Variants in ATP9B observed in about 807,000 individuals in gnomAD.
ATP9B encodes probable phospholipid-transporting ATPase IIB.
In ATP9B, 110 loss-of-function variants were observed where a neutral mutation model predicts 146.1. That is an observed-to-expected ratio of 0.75 (90% CI 0.65 to 0.88). The LOEUF is 0.88. Ranked by LOEUF, ATP9B falls within the 40% of genes least tolerant of loss-of-function variation. ATP9B has a pLI of 0.00. For synonymous variants in ATP9B, 604 were observed against 569.7 expected, an observed-to-expected ratio of 1.06 and a Z score of -0.86; for missense variants, 1,499 against 1,496.4, an observed-to-expected ratio of 1.00 and a Z score of -0.03.
At chr18:79,241,451 T>G (rs191152600) in intron 11 of ATP9B, among the ~76,000 whole-genome samples, 2 of 152,330 alleles carry the variant, frequency 1.3e-5, no homozygotes, top group African/African-American at 4.8e-5. Context: ...TCTTGAGAGA[T>G]GTCGTTCTTT....
At chr18:79,197,971 G>GGCA (rs1467505243) in intron 9 of ATP9B, among the ~76,000 whole-genome samples, 1 of 152,080 alleles carries the variant, frequency 6.6e-6, no homozygotes. Context: ...ACATTAGGAA[G>GGCA]GCACTTCAGC....
intron 15 of ATP9B, among the ~76,000 whole-genome samples, chr18:79,319,286 C>T (rs968580122): frequency 2.0e-5 from 3 of 152,146 alleles, no homozygotes; most frequent in Admixed American, 2.0e-4. Flanking sequence ...AGAAGTGCTT[C>T]AATAAGAAAA....
chr18:79,110,696 A>G (rs1407755225), intron 3 of ATP9B, among the ~76,000 whole-genome samples, 191 bp downstream of exon 3: 3 of 152,202 alleles, frequency 2.0e-5, no homozygotes, highest in Non-Finnish European at 2.9e-5. Flanking sequence ...TTTAATGGCT[A>G]CATCATAGAG....
At chr18:79,199,980 T>G (rs745340152) in intron 9 of ATP9B, among the ~76,000 whole-genome samples, 1 of 152,188 alleles carries the variant, frequency 6.6e-6, no homozygotes, top group Non-Finnish European at 1.5e-5. Context: ...TAAGTTTGTC[T>G]TTTTATAAGT....
At chr18:79,320,676 T>TTGGC (rs1433844935) in intron 15 of ATP9B, among the ~76,000 whole-genome samples, 1 of 152,200 alleles carries the variant, frequency 6.6e-6, no homozygotes, top group Non-Finnish European at 1.5e-5. Context: ...GACCATCTGG[T>TTGGC]TGGCTGGCCA....
chr18:79,185,751 T>A (rs1434308430), intron 8 of ATP9B, among the ~76,000 whole-genome samples: 1 of 152,210 alleles, frequency 6.6e-6, no homozygotes, highest in East Asian at 1.9e-4. Context: ...TCCCTCATTC[T>A]GACATTCGTG....
chr18:79,213,931 T>G, intron 10 of ATP9B, 31 bp from the exon 11 acceptor site: 1 of 1,517,462 alleles, frequency 6.6e-7, no homozygotes, highest in Non-Finnish European at 9.0e-7. Context: ...TTTAAAGTAT[T>G]TCTACAAGGA....
intron 6 of ATP9B, among the ~76,000 whole-genome samples, chr18:79,144,558 C>T (rs1249766447): frequency 2.0e-5 from 3 of 152,156 alleles, no homozygotes; most frequent in South Asian, 2.1e-4. Flanking sequence ...TGACAGGAGG[C>T]GGAGCTCAGG....
chr18:79,076,413 T>G (rs2072621663), intron 1 of ATP9B, among the ~76,000 whole-genome samples: 1 of 152,240 alleles, frequency 6.6e-6, no homozygotes, highest in Non-Finnish European at 1.5e-5. Context: ...GAAGGATAAT[T>G]TCACCAGATA....
At chr18:79,161,489 C>T (rs2094879472) in intron 7 of ATP9B, among the ~76,000 whole-genome samples, 1 of 152,148 alleles carries the variant, frequency 6.6e-6, no homozygotes, top group Non-Finnish European at 1.5e-5. Context: ...CTTCTATTTT[C>T]ATCCTCAGTT....
rs2096881536 is a variant in ATP9B, at chr18:79,345,560, A to T, written c.2605A>T (p.Thr869Ser). ...TLLQQHTGRR[T>S]CAIGDGGNDV... ...GCTGCAGCAGCACACAGGGAGACGC[A>T]CCTGCGCCATCGGTGAGAGCCGCCC... The change falls in exon 22 of 30, where the codon ACC (threonine) becomes TCC (serine). Residue 869 changes from threonine (T) to serine (S), a missense_variant. Physicochemically the swap from Thr to Ser is moderately conservative, Grantham distance 58. Coordinates refer to ENST00000426216, the MANE Select transcript of ATP9B (RefSeq NM_198531.5). 2 of 1,608,582 alleles carry T rather than the reference A, an allele frequency of 1.2e-6. No individual in the cohort carries two copies. Among genetic ancestry groups the T allele is most frequent in the Non-Finnish European group, 1.7e-6 (2 of 1,179,870 alleles).
chr18:79,286,480 CTTTGCTGAAGTTGCTTATCAG>C (rs1336439171), intron 13 of ATP9B, among the ~76,000 whole-genome samples: 1 of 152,042 alleles, frequency 6.6e-6, no homozygotes, highest in Non-Finnish European at 1.5e-5. Context: ...TATCCTGAGA[CTTTGCTGAAGTTGCTTATCAG>C]TTTAAGGAGA....
chr18:79,217,104 G>A (rs899006781), intron 11 of ATP9B, among the ~76,000 whole-genome samples: 4 of 152,262 alleles, frequency 2.6e-5, no homozygotes, highest in South Asian at 2.1e-4. Flanking sequence ...GCCGTGACAC[G>A]TCTCAAGACA....
chr18:79,329,354 C>T (rs778710136), intron 16 of ATP9B, 52 bp downstream of exon 16: 15 of 1,473,038 alleles, frequency 1.0e-5, no homozygotes, highest in Middle Eastern at 1.8e-4. Context: ...TTTGTTTTCA[C>T]ACCTTTTAAA....
intron 2 of ATP9B, among the ~76,000 whole-genome samples, chr18:79,100,169 T>G (rs775390719): frequency 3.3e-5 from 5 of 152,228 alleles, no homozygotes; most frequent in Non-Finnish European, 7.3e-5. Flanking sequence ...GTGTTGAGAC[T>G]CGCTTTATGG....
intron 15 of ATP9B, among the ~76,000 whole-genome samples, chr18:79,323,423 C>G (rs1296426155): frequency 6.6e-6 from 1 of 152,200 alleles, no homozygotes; most frequent in Non-Finnish European, 1.5e-5. Flanking sequence ...CACCAGCCCC[C>G]TTTATCACCC....
intron 29 of ATP9B, chr18:79,376,324 A>C: frequency 3.0e-6 from 3 of 985,396 alleles, no homozygotes; most frequent in Non-Finnish European, 3.6e-6. Flanking sequence ...GTGCCTTCAC[A>C]AATTCTGCCA....
intron 13 of ATP9B, among the ~76,000 whole-genome samples, chr18:79,278,247 C>T (rs115170151): frequency 0.015 from 2,331 of 152,268 alleles, 64 homozygotes; most frequent in African/African-American, 0.054. Context: ...ACAGACGGTC[C>T]GCAGCTTCAT....
At chr18:79,282,137 C>T (rs542972636) in intron 13 of ATP9B, among the ~76,000 whole-genome samples, 1 of 152,288 alleles carries the variant, frequency 6.6e-6, no homozygotes, top group South Asian at 2.1e-4. Flanking sequence ...GAAACTCGAA[C>T]AGATGAGGAG....
Sources: gnomAD v4.1 joint callset for allele counts (sites outside exome capture counted in the v4.1 genomes callset) on GRCh38, gnomAD v4.1.1 for gene constraint, MANE v1.5 for transcripts, NCBI Gene and HGNC (gene_info 2026-07-23, HGNC 2026-07-21) for gene names.